TLK1: variants seen among roughly 807,000 people sequenced by gnomAD.
The protein encoded by TLK1 is serine/threonine-protein kinase tousled-like 1.
TLK1 carries 24 observed loss-of-function variants against 105.3 expected under a neutral mutation model. That is an observed-to-expected ratio of 0.23 (90% CI 0.17 to 0.32). The LOEUF is 0.32. TLK1 is among the 10% of genes least tolerant of loss of function. The probability of loss-of-function intolerance (pLI) is 1.00; values close to 1 mark genes in which losing one functional copy is unlikely to be tolerated. For synonymous variants in TLK1, 321 were observed against 310.4 expected (o/e 1.03, Z -0.36); for missense variants, 558 against 910.5 (o/e 0.61, Z 4.98).
rs1683901295 is a variant in TLK1 at position 170,993,686 on chromosome 2, AAAAAG to A, written c.*89_*93del. On this transcript the variant is annotated 3_prime_UTR_variant, in exon 21 of 21. Coordinates refer to ENST00000431350, the MANE Select transcript of TLK1 (RefSeq NM_012290.5). ...TCTTGTGTAAAAAAAAAAAAAAAAA[AAAAAG>A]AAAAAGAAAACAAACACTCAAATGC... The A allele has an allele frequency of 7.0e-6, 7 of 1,001,066 alleles. No homozygotes were observed. The highest frequency in any genetic ancestry group is 3.4e-5 in the African/African-American group (2 of 58,288). 62.0% of individuals were successfully genotyped at this position (1,001,066 alleles called of 1,614,324 possible).
At chr2:171,174,039 G>T (rs1401535198) in intron 1 of TLK1, among the ~76,000 whole-genome samples, 4 of 152,048 alleles carry the variant, frequency 2.6e-5, no homozygotes, top group Admixed American at 6.6e-5. Context: ...TTCTTCCATT[G>T]CCTTAGTTCA....
chr2:171,090,412 G>A (rs911330072), intron 2 of TLK1, among the ~76,000 whole-genome samples: 7 of 151,736 alleles, frequency 4.6e-5, no homozygotes, highest in African/African-American at 1.7e-4. Flanking sequence ...TCATAATCAT[G>A]TTATGGGGAT....
At chr2:171,176,512 A>T (rs1334713048) in intron 1 of TLK1, among the ~76,000 whole-genome samples, 1 of 152,176 alleles carries the variant, frequency 6.6e-6, no homozygotes, top group Non-Finnish European at 1.5e-5. Flanking sequence ...ATTAGTTAGT[A>T]GTTGCTGAGG....
upstream of TLK1, among the ~76,000 whole-genome samples, chr2:171,163,765 A>G (rs1692557809): frequency 6.6e-6 from 1 of 151,094 alleles, no homozygotes; most frequent in African/African-American, 2.4e-5. Flanking sequence ...TTTAATTGTC[A>G]CCCAGGCTGG....
intron 1 of TLK1, among the ~76,000 whole-genome samples, chr2:171,191,724 A>G (rs1693158421): frequency 6.6e-6 from 1 of 152,076 alleles, no homozygotes; most frequent in Non-Finnish European, 1.5e-5. Context: ...TCTTCCTAAG[A>G]ACTCCTCTTT....
rs1169592292 is a variant in TLK1 at position 171,160,355 on chromosome 2, G to T, written c.74C>A (p.Pro25Gln). Reference protein sequence around the residue: ...SWSQLSTSPTPGSAAAARSLL... With the variant: ...SWSQLSTSPTQGSAAAARSLL... ...GGACCTGGCCGCCGCCGCCGAGCCC[G>T]GGGTTGGAGACGTGGAGAGCTGGGA... Residue 25 changes from proline to glutamine, a missense_variant, in exon 1 of 21, where the codon CCG becomes CAG. Pro to Gln is a moderately conservative substitution (Grantham distance 76). Transcript: ENST00000431350. This position sits in a 1 kb window ranked among gnomAD's most constrained non-coding sequence, Gnocchi z 4.4. 4 of 1,604,840 alleles carry T rather than the reference G, an allele frequency of 2.5e-6. No individual in the cohort carries two copies. In the South Asian group the frequency reaches 4.4e-5, roughly 18 times the overall value.
rs547273605 is a variant in TLK1, at chr2:171,013,132, CCT to C, written c.1335-1680_1335-1679del. Among the ~76,000 whole-genome samples the C allele has an allele frequency of 2.8e-4, 42 of 151,888 alleles. No homozygotes were observed. The East Asian group carries it at 6.2e-3, about 23-fold the overall frequency. The stretch of plus-strand genomic sequence containing the variant: ...GGTTCAAGTGATTCTCCTGCCTCAG[CCT>C]CCCAAGTAGCTGGGATTACAGGCGC... On this transcript the variant is annotated intron_variant, in intron 13 of 20. Coordinates refer to ENST00000431350, the MANE Select transcript of TLK1 (RefSeq NM_012290.5).
At chr2:171,185,285 AT>A (rs1693006273) in intron 1 of TLK1, among the ~76,000 whole-genome samples, 2 of 151,984 alleles carry the variant, frequency 1.3e-5, no homozygotes, top group Admixed American at 6.6e-5. Context: ...CTCTGGTTTT[AT>A]CCTCCTCCAG....
intron 1 of TLK1, among the ~76,000 whole-genome samples, chr2:171,128,749 CATGTAT>C (rs1035876929): frequency 2.0e-5 from 3 of 151,868 alleles, no homozygotes; most frequent in Non-Finnish European, 4.4e-5. Context: ...TATACATGTA[CATGTAT>C]ATATATATAC....
At chr2:171,218,825 C>G (rs77298446) in intron 1 of TLK1, among the ~76,000 whole-genome samples, 5,372 of 152,224 alleles carry the variant, frequency 0.035, 164 homozygotes, top group African/African-American at 0.075. Flanking sequence ...TCCTAAAGGC[C>G]CTACCTCTTA....
At chr2:171,127,317 A>G (rs1473754314) in intron 1 of TLK1, among the ~76,000 whole-genome samples, 1 of 151,552 alleles carries the variant, frequency 6.6e-6, no homozygotes, top group Non-Finnish European at 1.5e-5. Flanking sequence ...CAAGAAGTCT[A>G]TATTGTATAA....
chr2:171,010,455 T>C lies in TLK1; in HGVS notation c.1416+918A>G, dbSNP rs188165626. Reference sequence around the variant, plus strand: ...ATGTATACAAACATACTTTGAGGTATTGAACTCAGGAAGAAAGTGTGAGCT... The same window carrying C: ...ATGTATACAAACATACTTTGAGGTACTGAACTCAGGAAGAAAGTGTGAGCT... On this transcript the variant is annotated intron_variant, in intron 14 of 20. Coordinates refer to ENST00000431350, the MANE Select transcript of TLK1 (RefSeq NM_012290.5). Among the ~76,000 whole-genome samples the C allele has an allele frequency of 1.9e-4, 29 of 152,238 alleles. No homozygotes were observed. The South Asian group carries it at 2.1e-3, about 11-fold the overall frequency.
chr2:171,149,783 G>C (rs1164643432), intron 1 of TLK1, among the ~76,000 whole-genome samples: 19 of 151,970 alleles, frequency 1.3e-4, no homozygotes, highest in Admixed American at 1.2e-3. Flanking sequence ...GCGTGCACCT[G>C]TAGTCCCAGC....
At chr2:171,227,592 T>TTG (rs1693924897) in intron 1 of TLK1, among the ~76,000 whole-genome samples, 1 of 118,236 alleles carries the variant, frequency 8.5e-6, no homozygotes, top group Non-Finnish European at 1.8e-5. Flanking sequence ...TTTTTTTTTT[T>TTG]TTTTTTGTTT....
chr2:171,212,940 TG>T (rs1225654032), intron 1 of TLK1, among the ~76,000 whole-genome samples: 2 of 152,118 alleles, frequency 1.3e-5, no homozygotes, highest in Non-Finnish European at 2.9e-5. Context: ...TGAAAAAACT[TG>T]TTTTATCCTA....
At chr2:171,062,842 G>A (rs1687818995) in intron 3 of TLK1, among the ~76,000 whole-genome samples, 1 of 152,154 alleles carries the variant, frequency 6.6e-6, no homozygotes, top group Admixed American at 6.5e-5. Flanking sequence ...ATGCCAGTAT[G>A]TTTTCATTTC....
chr2:171,029,218 C>T (rs950389830), intron 11 of TLK1, among the ~76,000 whole-genome samples: 1 of 152,130 alleles, frequency 6.6e-6, no homozygotes, highest in Admixed American at 6.6e-5. Flanking sequence ...CAAAGGGAGT[C>T]AGTCCAGTTT....
intron 1 of TLK1, among the ~76,000 whole-genome samples, chr2:171,144,807 A>G (rs888699488): frequency 2.6e-5 from 4 of 152,192 alleles, no homozygotes; most frequent in Non-Finnish European, 4.4e-5. Context: ...GAATAGGGGG[A>G]AAAAGTTTTA....
chr2:171,031,917 G>A (rs1221216743), intron 11 of TLK1, among the ~76,000 whole-genome samples: 1 of 152,066 alleles, frequency 6.6e-6, no homozygotes, highest in African/African-American at 2.4e-5. Context: ...TAAATAGACT[G>A]TTAGAGGCAC....
Sources: allele counts gnomAD v4.1 joint callset (sites outside exome capture counted in the v4.1 genomes callset), GRCh38; gene constraint gnomAD v4.1.1; non-coding constraint Gnocchi (gnomAD v3.1); transcripts MANE v1.5; gene names NCBI Gene and HGNC (gene_info 2026-07-23, HGNC 2026-07-21).